GHR: variants seen among roughly 807,000 people sequenced by gnomAD.
GHR encodes growth hormone receptor, also known as GH receptor.
Under a neutral mutation model 67.1 loss-of-function variants are expected in GHR, and 35 were observed. That is an observed-to-expected ratio of 0.52 (90% CI 0.40 to 0.69). The LOEUF (loss-of-function observed/expected upper bound fraction) is 0.69, where lower values mean the gene tolerates loss of function less well. Ranked by LOEUF, GHR falls within the 30% of genes least tolerant of loss-of-function variation. The pLI, the probability that GHR is intolerant of heterozygous loss-of-function variation, is 0.00. For missense variants in GHR, 792 were observed against 764.6 expected, an observed-to-expected ratio of 1.04 and a Z score of -0.42; for synonymous variants, 272 against 269.1, an observed-to-expected ratio of 1.01 and a Z score of -0.10.
At chr5:42,516,542 A>G (rs1747247494) in intron 1 of GHR, among the ~76,000 whole-genome samples, 1 of 152,170 alleles carries the variant, frequency 6.6e-6, no homozygotes, top group Non-Finnish European at 1.5e-5. Context: ...AAGATAATAC[A>G]GGAAAAGAGC....
At chr5:42,691,163 T>A (rs1757405132) in intron 4 of GHR, among the ~76,000 whole-genome samples, 1 of 152,200 alleles carries the variant, frequency 6.6e-6, no homozygotes, top group South Asian at 2.1e-4. Flanking sequence ...AGGATGCTGC[T>A]GAAAGTGTGA....
intron 2 of GHR, among the ~76,000 whole-genome samples, chr5:42,605,480 C>T (rs1752588408): frequency 6.6e-6 from 1 of 152,004 alleles, no homozygotes; most frequent in Admixed American, 6.6e-5. Context: ...AGGAATGTCC[C>T]AAGTCCTAAG....
chr5:42,533,637 A>T (rs1259049351), intron 1 of GHR, among the ~76,000 whole-genome samples: 1 of 151,868 alleles, frequency 6.6e-6, no homozygotes, highest in African/African-American at 2.4e-5. Context: ...TAAAGCATAA[A>T]TCAATTTTTT....
intron 1 of GHR, among the ~76,000 whole-genome samples, chr5:42,530,083 G>C (rs572356265): frequency 8.1e-6 from 1 of 123,518 alleles, no homozygotes; most frequent in African/African-American, 3.1e-5. Context: ...AATAAAAGTT[G>C]TATATATTCA....
intron 1 of GHR, among the ~76,000 whole-genome samples, chr5:42,540,455 GTA>G (rs1372261046): frequency 6.6e-6 from 1 of 151,956 alleles, no homozygotes; most frequent in East Asian, 1.9e-4. Context: ...TTCAAATATG[GTA>G]GTTATCTAGG....
At chr5:42,644,064 A>C (rs1206754410) in intron 3 of GHR, among the ~76,000 whole-genome samples, 1 of 152,168 alleles carries the variant, frequency 6.6e-6, no homozygotes, top group Non-Finnish European at 1.5e-5. Context: ...AAATCACTAC[A>C]TTACAAACTC....
chr5:42,620,679 A>C (rs1344364184), intron 2 of GHR, among the ~76,000 whole-genome samples: 1 of 152,118 alleles, frequency 6.6e-6, no homozygotes, highest in African/African-American at 2.4e-5. Context: ...TTTTTGGTGT[A>C]AATATACCCA....
intron 1 of GHR, among the ~76,000 whole-genome samples, chr5:42,556,519 T>C (rs1158347893): frequency 6.6e-6 from 1 of 152,188 alleles, no homozygotes; most frequent in Admixed American, 6.6e-5. Context: ...ATGAGCCACG[T>C]GTAGAAAGAG....
intron 2 of GHR, among the ~76,000 whole-genome samples, chr5:42,579,136 TAGATGATAGATAGATATAGATAGATAG>T (rs1561138919): frequency 0.019 from 1,251 of 66,966 alleles, 6 homozygotes; most frequent in Non-Finnish European, 0.028. Context: ...GATAGATAGA[TAGATGATAGATAGATATAGATAGATAG>T]ATAGATAGAT....
At chr5:42,660,198 A>C (rs1206388529) in intron 3 of GHR, among the ~76,000 whole-genome samples, 1 of 152,202 alleles carries the variant, frequency 6.6e-6, no homozygotes, top group African/African-American at 2.4e-5. Context: ...ACAAACAAAA[A>C]GACAGCAGTA....
In GHR at chr5:42,658,802, G is replaced by C. The variant is rs562777354; in HGVS notation, c.136+29699G>C. Among the ~76,000 whole-genome samples the C allele has an allele frequency of 3.9e-5, 6 of 152,170 alleles. No homozygotes were observed. The South Asian group carries it at 1.2e-3, about 32-fold the overall frequency. On this transcript the variant is annotated intron_variant, in intron 3 of 9. Transcript: ENST00000230882. ...AGCATTCCACAGCAACAAATGATCT[G>C]ATCCAAAATACCAATAGTGTGGAAG...
At position 42,614,023 on chromosome 5, in the gene GHR, T is replaced by C. The variant is rs143696742; in HGVS notation, c.71-15015T>C. On this transcript the variant is annotated intron_variant, in intron 2 of 9. Transcript: ENST00000230882. ...TGTCTGTAGTAAGCGGTCTGTAAAC[T>C]GTGTTTAGGACCTGAACCGAATGCT... Among the ~76,000 whole-genome samples, 3 of 152,262 alleles carry C rather than the reference T, an allele frequency of 2.0e-5. No homozygotes were observed. The East Asian group carries it at 5.8e-4, about 29-fold the overall frequency.
chr5:42,507,119 G>T (rs1746811562), intron 1 of GHR, among the ~76,000 whole-genome samples: 1 of 152,136 alleles, frequency 6.6e-6, no homozygotes, highest in South Asian at 2.1e-4. Flanking sequence ...CTTTTATTAG[G>T]CTGGGAGAAC....
At chr5:42,503,893 G>A (rs1267502179) in intron 1 of GHR, among the ~76,000 whole-genome samples, 1 of 152,144 alleles carries the variant, frequency 6.6e-6, no homozygotes, top group East Asian at 1.9e-4. Context: ...ACAGGAAACT[G>A]ATTAGGACTC....
intron 1 of GHR, chr5:42,514,194 C>G (rs1003587680): frequency 3.0e-6 from 3 of 984,972 alleles, no homozygotes; most frequent in African/African-American, 3.5e-5. Context: ...TCTGCATTGA[C>G]TACCTACAAG....
intron 1 of GHR, among the ~76,000 whole-genome samples, chr5:42,519,508 T>C (rs1396049152): frequency 1.3e-5 from 2 of 152,218 alleles, no homozygotes; most frequent in African/African-American, 4.8e-5. Context: ...AAAGCTCTGA[T>C]GTAGTTTTAT....
chr5:42,451,047 TC>T (rs1292385142), intron 1 of GHR, among the ~76,000 whole-genome samples: 3 of 152,214 alleles, frequency 2.0e-5, no homozygotes, highest in Admixed American at 2.0e-4. Context: ...TAGTGGCCTA[TC>T]ATATGGTCTG....
chr5:42,696,671 T>A (rs962831095), intron 5 of GHR, among the ~76,000 whole-genome samples: 1 of 152,186 alleles, frequency 6.6e-6, no homozygotes, highest in Non-Finnish European at 1.5e-5. Context: ...TAGTTGTTTG[T>A]GCCCCAAAAA....
chr5:42,642,940 G>A (rs1469055886), intron 3 of GHR, among the ~76,000 whole-genome samples: 2 of 152,094 alleles, frequency 1.3e-5, no homozygotes, highest in Non-Finnish European at 2.9e-5. Context: ...CTATGTCTGC[G>A]ATTGGTCTCC....
Sources: allele counts gnomAD v4.1 joint callset (sites outside exome capture counted in the v4.1 genomes callset), GRCh38; gene constraint gnomAD v4.1.1; transcripts MANE v1.5; gene names NCBI Gene and HGNC (gene_info 2026-07-23, HGNC 2026-07-21).